RBFOX1: variants seen among roughly 807,000 people sequenced by gnomAD.
RBFOX1 encodes RNA binding protein fox-1 homolog 1.
A neutral mutation model predicts 57.7 loss-of-function variants in RBFOX1; 8 were observed. The ratio of observed to expected loss-of-function variants is 0.14; its 90% CI spans 0.08 to 0.25. RBFOX1 has a LOEUF of 0.25. Among genes scored for constraint, RBFOX1 ranks in the 10% least tolerant of loss-of-function variants. RBFOX1 has a pLI of 1.00. For missense variants in RBFOX1, 611 were observed against 548.5 expected, an observed-to-expected ratio of 1.11 and a Z score of -1.14; for synonymous variants, 326 against 222.4, an observed-to-expected ratio of 1.47 and a Z score of -4.15.
intron 2 of RBFOX1, among the ~76,000 whole-genome samples, chr16:6,331,770 T>TA (rs200068088): frequency 0.031 from 3,479 of 112,660 alleles, 115 homozygotes; most frequent in African/African-American, 0.11. Context: ...TCACCTTTTT[T>TA]TAAAAAAAAA....
chr16:5,977,809 G>C (rs1869126048), intron 4 of RBFOX1, among the ~76,000 whole-genome samples: 1 of 152,054 alleles, frequency 6.6e-6, no homozygotes, highest in African/African-American at 2.4e-5. Flanking sequence ...CCATCAAGGT[G>C]GCTCCCTTCT....
At chr16:7,483,838 G>T (rs2064660979) in intron 4 of RBFOX1, among the ~76,000 whole-genome samples, 1 of 152,214 alleles carries the variant, frequency 6.6e-6, no homozygotes, top group South Asian at 2.1e-4. Flanking sequence ...TTATAGCAGA[G>T]GCTGCGCATC....
At chr16:7,234,513 T>C (rs2093668239) in intron 4 of RBFOX1, among the ~76,000 whole-genome samples, 1 of 152,040 alleles carries the variant, frequency 6.6e-6, no homozygotes, top group Non-Finnish European at 1.5e-5. Flanking sequence ...CTACCAGGAA[T>C]ATAAGCATCG....
intron 4 of RBFOX1, among the ~76,000 whole-genome samples, chr16:7,293,781 G>A (rs1487568445): frequency 6.6e-6 from 1 of 152,084 alleles, no homozygotes; most frequent in Non-Finnish European, 1.5e-5. Context: ...AGTTTCGTAT[G>A]ATTCCTTACA....
At chr16:6,557,108 TATATAC>T (rs2097113918) in intron 2 of RBFOX1, among the ~76,000 whole-genome samples, 1 of 143,754 alleles carries the variant, frequency 7.0e-6, no homozygotes, top group African/African-American at 2.7e-5. Context: ...TATACATACA[TATATAC>T]ATATATACAT....
chr16:5,314,225 A>G (rs1284108772), intron 1 of RBFOX1, among the ~76,000 whole-genome samples: 1 of 152,240 alleles, frequency 6.6e-6, no homozygotes, highest in Non-Finnish European at 1.5e-5. Context: ...GTCTAAGCTT[A>G]GGCAACCCAA....
At chr16:6,770,053 G>T (rs927006795) in intron 3 of RBFOX1, among the ~76,000 whole-genome samples, 2 of 152,274 alleles carry the variant, frequency 1.3e-5, no homozygotes, top group African/African-American at 4.8e-5. Flanking sequence ...AATGAGGAAA[G>T]AAATTAGAAA....
At chr16:5,884,801 C>G (rs925907860) in intron 4 of RBFOX1, among the ~76,000 whole-genome samples, 1 of 151,970 alleles carries the variant, frequency 6.6e-6, no homozygotes, top group Admixed American at 6.6e-5. Flanking sequence ...TGAGTGAGGT[C>G]CAGAAGGTGC....
chr16:7,380,207 A>G (rs374488863), intron 4 of RBFOX1, among the ~76,000 whole-genome samples: 22 of 152,192 alleles, frequency 1.4e-4, no homozygotes, highest in African/African-American at 4.6e-4. Context: ...ATATCACATC[A>G]TGATTTTAGA....
intron 4 of RBFOX1, among the ~76,000 whole-genome samples, chr16:7,234,677 T>A (rs896918985): frequency 1.6e-4 from 14 of 89,944 alleles, no homozygotes; most frequent in South Asian, 5.1e-4. Context: ...TATACATATT[T>A]TATATATATA....
At chr16:6,468,184 G>A (rs909846945) in intron 2 of RBFOX1, among the ~76,000 whole-genome samples, 1 of 152,138 alleles carries the variant, frequency 6.6e-6, no homozygotes, top group African/African-American at 2.4e-5. Flanking sequence ...GGCAGGAGGA[G>A]GAATGGTTAG....
At chr16:7,083,696 T>A (rs1303575219) in intron 4 of RBFOX1, among the ~76,000 whole-genome samples, 1 of 152,250 alleles carries the variant, frequency 6.6e-6, no homozygotes, top group Non-Finnish European at 1.5e-5. Flanking sequence ...ATGTTCACTT[T>A]CAGCTATTTC....
chr16:5,408,648 A>T (rs192952152), intron 1 of RBFOX1, among the ~76,000 whole-genome samples: 2 of 152,216 alleles, frequency 1.3e-5, no homozygotes, highest in African/African-American at 4.8e-5. Context: ...TAATTTATAA[A>T]GAAAAGAGGT....
intron 4 of RBFOX1, among the ~76,000 whole-genome samples, chr16:7,481,297 G>C (rs576525243): frequency 4.6e-5 from 7 of 152,142 alleles, no homozygotes; most frequent in Non-Finnish European, 8.8e-5. Flanking sequence ...AATAGAAATC[G>C]CATTATCTAT....
intron 3 of RBFOX1, among the ~76,000 whole-genome samples, chr16:7,010,344 C>T (rs1045102756): frequency 2.6e-5 from 4 of 152,180 alleles, no homozygotes; most frequent in Admixed American, 6.5e-5. Context: ...CAAACCCAGT[C>T]TGGTTAGACT....
chr16:7,543,163 C>A (rs931986099), intron 5 of RBFOX1, among the ~76,000 whole-genome samples: 8 of 152,164 alleles, frequency 5.3e-5, no homozygotes, highest in Non-Finnish European at 7.3e-5. Context: ...TGGTGTTTAA[C>A]AGACACAACT....
At chr16:6,791,949 C>T (rs1279998300) in intron 3 of RBFOX1, among the ~76,000 whole-genome samples, 1 of 152,042 alleles carries the variant, frequency 6.6e-6, no homozygotes, top group Non-Finnish European at 1.5e-5. Context: ...TTAGGAGAGC[C>T]GAATTCTATT....
At chr16:6,455,732 G>A (rs528667541) in intron 2 of RBFOX1, among the ~76,000 whole-genome samples, 2 of 152,220 alleles carry the variant, frequency 1.3e-5, no homozygotes, top group East Asian at 1.9e-4. Context: ...GGAGGGGGTC[G>A]TTGCAGCTGG....
intron 1 of RBFOX1, among the ~76,000 whole-genome samples, chr16:6,079,533 A>C (rs1230396132): frequency 6.7e-6 from 1 of 150,186 alleles, no homozygotes; most frequent in Non-Finnish European, 1.5e-5. Context: ...TGTGTTGTCC[A>C]GGCTGGTCTC....
Sources: gnomAD v4.1 joint callset for allele counts (sites outside exome capture counted in the v4.1 genomes callset) on GRCh38, gnomAD v4.1.1 for gene constraint, MANE v1.5 for transcripts, NCBI Gene and HGNC (gene_info 2026-07-23, HGNC 2026-07-21) for gene names.